MYH15: variants seen among roughly 807,000 people sequenced by gnomAD.
MYH15 encodes myosin heavy chain 15.
In MYH15, 227 loss-of-function variants were observed where a neutral mutation model predicts 240.5. The ratio of observed to expected loss-of-function variants is 0.94; its 90% CI spans 0.85 to 1.05. The LOEUF (loss-of-function observed/expected upper bound fraction) is 1.05. Among genes scored for constraint, MYH15 ranks in the 50% least tolerant of loss-of-function variants. The pLI, the probability that MYH15 is intolerant of heterozygous loss-of-function variation, is 0.00. For missense variants in MYH15, 2,217 were observed against 2,247.5 expected (o/e 0.99, Z 0.27); for synonymous variants, 785 against 796.7 (o/e 0.99, Z 0.25).
At chr3:108,440,912 C>G in intron 23 of MYH15, 106 bp downstream of exon 23, 1 of 1,354,846 alleles carries the variant, frequency 7.4e-7, no homozygotes. Context: ...AAGTTGCAGG[C>G]CACTGTGTTA....
the MYH15 span, among the ~76,000 whole-genome samples, chr3:108,544,495 C>T: frequency 6.6e-6 from 1 of 152,174 alleles, no homozygotes; most frequent in Non-Finnish European, 1.5e-5. Flanking sequence ...GATCGACCTA[C>T]AACATCAATA....
At chr3:108,463,644 T>C (rs888715949) in intron 15 of MYH15, among the ~76,000 whole-genome samples, 2 of 152,156 alleles carry the variant, frequency 1.3e-5, no homozygotes. Context: ...TGCATTACTT[T>C]TAATAAATCA....
In MYH15 at chr3:108,444,632, C is replaced by A; in HGVS notation, c.2655+8G>T. 2 of 1,613,452 alleles carry A rather than the reference C, an allele frequency of 1.2e-6. No homozygotes were observed. The highest frequency in any genetic ancestry group is 8.5e-7 in the Non-Finnish European group (1 of 1,179,704). On this transcript the variant is annotated splice_region_variant and intron_variant, in intron 22 of 40. Coordinates refer to ENST00000693548, the MANE Select transcript of MYH15 (RefSeq NM_014981.3). Reference sequence around the variant, plus strand: ...TTGATTTAAAGAACAAATGGTGGGGCTACTCACAGCCTGAAGCTGAAGAAT... The same window carrying A: ...TTGATTTAAAGAACAAATGGTGGGGATACTCACAGCCTGAAGCTGAAGAAT...
chr3:108,440,060 T>G, intron 23 of MYH15, 147 bp from the exon 24 acceptor site: 1 of 575,630 alleles, frequency 1.7e-6, no homozygotes, highest in Non-Finnish European at 2.8e-6. Context: ...CCTGATACGC[T>G]TTCTAAAGCT....
In MYH15 at chr3:108,430,838, C is replaced by T. The variant is rs777087691; in HGVS notation, c.3306G>A (p.Glu1102=). The T allele has an allele frequency of 1.9e-6, 3 of 1,610,154 alleles. 1 individual carries two copies. The highest frequency in any genetic ancestry group is 3.3e-4 in the Middle Eastern group (2 of 6,056). ...LVAQLQKTVK[E]LQTQIKDLKE... is the part of the protein sequence containing the mutation. ...ATATTTGATAATTGATTACCTGAAGCTCTTTAACCGTCTTCTGAAGCTGAG... is the reference window on the plus strand; with the variant it reads ...ATATTTGATAATTGATTACCTGAAGTTCTTTAACCGTCTTCTGAAGCTGAG... Residue 1102 remains glutamate, a synonymous_variant, in exon 26 of 41, where the codon GAG becomes GAA. Coordinates refer to ENST00000693548, the MANE Select transcript of MYH15 (RefSeq NM_014981.3).
At chr3:108,504,461 C>G (rs1470462308) in intron 2 of MYH15, among the ~76,000 whole-genome samples, 3 of 152,140 alleles carry the variant, frequency 2.0e-5, no homozygotes, top group Non-Finnish European at 2.9e-5. Context: ...TTATGAGTGG[C>G]TTCCAGAATT....
chr3:108,410,709 C>A lies in MYH15; in HGVS notation c.4369G>T (p.Ala1457Ser), dbSNP rs377336538. The A allele has an allele frequency of 7.4e-6, 12 of 1,614,068 alleles. No individual in the cohort carries two copies. The highest frequency in any genetic ancestry group is 5.3e-5 in the African/African-American group (4 of 74,930). The change falls in exon 31 of 41, where the codon GCG becomes TCG. Residue 1457 changes from alanine to serine, a missense_variant. Coordinates refer to ENST00000693548, the MANE Select transcript of MYH15 (RefSeq NM_014981.3). The part of the protein sequence containing the change: ...DWKQKHEESQ[A>S]LLDASQKEVQ... The stretch of plus-strand genomic sequence containing the variant: ...TCCTTCTGAGAGGCATCCAGCAACG[C>A]CTGGGACTCCTCGTGCTTCTGCTTC...
At chr3:108,509,260 T>C (rs888714768) in intron 1 of MYH15, among the ~76,000 whole-genome samples, 11 of 152,230 alleles carry the variant, frequency 7.2e-5, no homozygotes, top group African/African-American at 2.2e-4. Flanking sequence ...TGTAGATTGC[T>C]ATGTTTTAAG....
chr3:108,455,329 G>GA (rs1268799041), intron 20 of MYH15, among the ~76,000 whole-genome samples: 1 of 152,136 alleles, frequency 6.6e-6, no homozygotes, highest in Non-Finnish European at 1.5e-5. Context: ...AAATTACTCA[G>GA]AAAAATTAGT....
intron 9 of MYH15, among the ~76,000 whole-genome samples, chr3:108,492,057 A>G (rs1332149528): frequency 6.6e-6 from 1 of 152,106 alleles, no homozygotes; most frequent in Admixed American, 6.6e-5. Context: ...CCTGGCCAAC[A>G]TGGTGAAACC....
chr3:108,498,084 T>C lies in MYH15; in HGVS notation c.586A>G (p.Ile196Val), dbSNP rs1353429791. The C allele has an allele frequency of 4.3e-6, 7 of 1,613,974 alleles. No homozygotes were observed. The highest frequency in any genetic ancestry group is 5.9e-6 in the Non-Finnish European group (7 of 1,179,984). The change falls in exon 6 of 41, where the codon ATA (isoleucine) becomes GTA (valine). Residue 196 changes from isoleucine (I) to valine (V), a missense_variant. By Grantham distance (29) the Ile-to-Val change is conservative (BLOSUM62 3). Coordinates refer to ENST00000693548, the MANE Select transcript of MYH15 (RefSeq NM_014981.3). ...TTCCTGGATTCAATCATGGCTGCTA[T>C]GGTGGCAAAATACTGGATAATATGT... ...SKHIIQYFAT[I>V]AAMIESRKKQ...
intron 30 of MYH15, among the ~76,000 whole-genome samples, chr3:108,412,282 C>T (rs1024599043): frequency 3.3e-5 from 5 of 152,154 alleles, no homozygotes; most frequent in African/African-American, 1.2e-4. Context: ...CGAGTAAGTT[C>T]TCATGAGATC....
In MYH15 at chr3:108,398,708, C is replaced by G; in HGVS notation, c.5062G>C (p.Glu1688Gln). 6.2e-7 allele frequency: 1 copy of G among 1,614,176 alleles called. No homozygotes were observed. The highest frequency in any genetic ancestry group is 8.5e-7 in the Non-Finnish European group (1 of 1,180,048). Reference sequence around the variant, plus strand: ...TCTTCTGACAGCCTGCGGCCACGCTCTGTCTGCTCTTGCAGGGACCTTAGA... The same window carrying G: ...TCTTCTGACAGCCTGCGGCCACGCTGTGTCTGCTCTTGCAGGGACCTTAGA... Reference protein sequence around the residue: ...EDLRSLQEQTERGRRLSEEEL... With the variant: ...EDLRSLQEQTQRGRRLSEEEL... The change falls in exon 35 of 41, where the codon GAG becomes CAG. Residue 1688 changes from glutamate (E) to glutamine (Q), a missense_variant. Coordinates refer to ENST00000693548, the MANE Select transcript of MYH15 (RefSeq NM_014981.3).
chr3:108,422,699 C>A (rs2082692874), intron 27 of MYH15, among the ~76,000 whole-genome samples: 1 of 152,120 alleles, frequency 6.6e-6, no homozygotes, highest in African/African-American at 2.4e-5. Flanking sequence ...AATGGAAGAA[C>A]TGGGAGACAA....
rs368315411 is a variant in MYH15, at chr3:108,416,384, C to A, written c.3948+428G>T. ...TCCAGAATCACTTCCACTGGAGTCACCTTCTAGCAACATTATACACTCATA... is the reference window on the plus strand; with the variant it reads ...TCCAGAATCACTTCCACTGGAGTCAACTTCTAGCAACATTATACACTCATA... On this transcript the variant is annotated intron_variant, in intron 29 of 40. Transcript: ENST00000693548. Among the ~76,000 whole-genome samples the A allele has an allele frequency of 1.3e-3, 195 of 152,264 alleles. 5 individuals are homozygous for A. The South Asian group carries it at 0.039, about 31-fold the overall frequency.
intron 12 of MYH15, among the ~76,000 whole-genome samples, chr3:108,471,355 C>A (rs1362250694): frequency 6.6e-6 from 1 of 152,078 alleles, no homozygotes; most frequent in Non-Finnish European, 1.5e-5. Flanking sequence ...ACTCTCAGGC[C>A]CAGTCCCAGA....
intron 1 of MYH15, among the ~76,000 whole-genome samples, chr3:108,507,260 T>TTC (rs1400015189): frequency 1.2e-5 from 1 of 81,290 alleles, no homozygotes; most frequent in Non-Finnish European, 2.9e-5. Flanking sequence ...TATATATATA[T>TTC]ATATATATAT....
intron 21 of MYH15, among the ~76,000 whole-genome samples, chr3:108,447,435 A>G (rs945029491): frequency 6.6e-6 from 1 of 152,162 alleles, no homozygotes; most frequent in African/African-American, 2.4e-5. Flanking sequence ...TGAAATTCTC[A>G]AAAGTCAAAG....
In MYH15 at chr3:108,402,852, A is replaced by G. The variant is rs140770456; in HGVS notation, c.4736+2486T>C. On this transcript the variant is annotated intron_variant, in intron 33 of 40. Transcript: ENST00000693548. ...GGCCATGCAGTAGGGCTTGACTAAC[A>G]TGGCAATTATGGCAATGATTTGGCC... Among the ~76,000 whole-genome samples the G allele has an allele frequency of 7.3e-3, 1,108 of 152,290 alleles. 8 individuals carry two copies. Among genetic ancestry groups the G allele is most frequent in the African/African-American group, 0.025 (1,053 of 41,564 alleles).
Sources: allele counts gnomAD v4.1 joint callset (sites outside exome capture counted in the v4.1 genomes callset), GRCh38; gene constraint gnomAD v4.1.1; transcripts MANE v1.5; gene names NCBI Gene and HGNC (gene_info 2026-07-23, HGNC 2026-07-21).